The following TFEB variants were observed in gnomAD, a reference collection of about 807,000 sequenced individuals.
TFEB encodes the protein transcription factor EB.
Under a neutral mutation model 48.0 loss-of-function variants are expected in TFEB, and 12 were observed. The observed-to-expected ratio is 0.25, with a 90% confidence interval of 0.16 to 0.40. TFEB has a LOEUF of 0.40. Among genes scored for constraint, TFEB ranks in the 10% least tolerant of loss-of-function variants. TFEB has a pLI of 1.00. For missense variants in TFEB, 509 were observed against 640.3 expected, an observed-to-expected ratio of 0.79 and a Z score of 2.21; for synonymous variants, 244 against 261.4, an observed-to-expected ratio of 0.93 and a Z score of 0.64.
chr6:41,717,021 C>G (rs1770767753), intron 1 of TFEB, among the ~76,000 whole-genome samples: 1 of 152,216 alleles, frequency 6.6e-6, no homozygotes. Flanking sequence ...TGGGCAGAAG[C>G]TGGTGGGAAC....
rs192421240 is a variant in TFEB, at chr6:41,716,946, G to C, written c.-23+18404C>G. Among the ~76,000 whole-genome samples, 1,025 of 152,098 alleles carry C rather than the reference G, an allele frequency of 6.7e-3. 11 individuals are homozygous for C. The highest frequency in any genetic ancestry group is 0.023 in the African/African-American group (962 of 41,474). On this transcript the variant is annotated intron_variant, in intron 1 of 8. Transcript: ENST00000373033. The stretch of plus-strand genomic sequence containing the variant: ...TTGATGGAGGCATCGGCATGCCCGC[G>C]TGCACCCTACATCACAAGCCAGGTG...
At chr6:41,697,972 T>G (rs1769697431) in intron 1 of TFEB, among the ~76,000 whole-genome samples, 1 of 152,240 alleles carries the variant, frequency 6.6e-6, no homozygotes, top group African/African-American at 2.4e-5. Context: ...AAGTATTTTG[T>G]GTGGTTTTAA....
chr6:41,686,993 C>T, intron 7 of TFEB, 101 bp downstream of exon 7: 2 of 962,726 alleles, frequency 2.1e-6, no homozygotes, highest in South Asian at 2.7e-5. Context: ...AGAAGGAATT[C>T]TCCTCCCATC....
chr6:41,707,707 A>C (rs1770299687), intron 1 of TFEB, among the ~76,000 whole-genome samples: 1 of 152,178 alleles, frequency 6.6e-6, no homozygotes, highest in Admixed American at 6.5e-5. Flanking sequence ...CCTCTCCAAG[A>C]AGCAGACATG....
At position 41,684,643 on chromosome 6, in the gene TFEB, T is replaced by G; in HGVS notation, c.1387A>C (p.Ser463Arg). 1 of 1,609,706 alleles carries G rather than the reference T, an allele frequency of 6.2e-7. No individual in the cohort carries two copies. The highest frequency in any genetic ancestry group is 8.5e-7 in the Non-Finnish European group (1 of 1,178,082). Residue 463 changes from serine (S) to arginine (R), a missense_variant, in exon 9 of 9, where the codon AGC becomes CGC. By Grantham distance (110) the Ser-to-Arg change is moderately radical. This residue lies in a region of TFEB where 168 missense variants were observed against 161.0 expected (regional missense o/e 1.04). Transcript: ENST00000373033. ...TCCATGCTGAAGCTGCTCCGGCGGCTGCTGGCCTTGGAGGCCTCGGGGGAC... is the reference window on the plus strand; with the variant it reads ...TCCATGCTGAAGCTGCTCCGGCGGCGGCTGGCCTTGGAGGCCTCGGGGGAC... ...TMSPEASKAS[S>R]RRSSFSMEEG...
In TFEB at chr6:41,723,602, C is replaced by G. The variant is rs773495535; in HGVS notation, c.-23+11748G>C. ...CGGCTGCTGTTTCTCACCCAGCCCC[C>G]TGCACCTCAGCTGGAGAGGAAGTTG... On this transcript the variant is annotated intron_variant, in intron 1 of 8. Transcript: ENST00000373033. The surrounding 1 kb of genome is among the most constrained non-coding windows in gnomAD (Gnocchi z 6.0). 21 of 1,181,616 alleles carry G rather than the reference C, an allele frequency of 1.8e-5. No homozygotes were observed. Among genetic ancestry groups the G allele is most frequent in the Non-Finnish European group, 2.3e-5 (21 of 918,152 alleles). 73.2% of individuals were successfully genotyped at this position (1,181,616 alleles called of 1,614,324 possible). A position where few individuals can be genotyped will look rare whatever the true frequency, so the allele number is the denominator to read the frequency against.
intron 6 of TFEB, 67 bp from the exon 7 acceptor site, chr6:41,687,236 T>C: frequency 6.6e-7 from 1 of 1,511,898 alleles, no homozygotes; most frequent in Non-Finnish European, 9.2e-7. Flanking sequence ...TGGGGAGAAG[T>C]ACCCAGCCCA....
At chr6:41,710,597 A>G (rs1473097448) in intron 1 of TFEB, among the ~76,000 whole-genome samples, 2 of 152,222 alleles carry the variant, frequency 1.3e-5, no homozygotes, top group East Asian at 3.8e-4. Flanking sequence ...ATGGAGCAAC[A>G]TAGAAAGACC....
rs138488754 is a variant in TFEB, at chr6:41,713,482, C to T, written c.-23+21868G>A. Among the ~76,000 whole-genome samples, 187 of 152,312 alleles carry T rather than the reference C, an allele frequency of 1.2e-3. 2 individuals are homozygous for T. The highest frequency in any genetic ancestry group is 2.0e-3 in the African/African-American group (84 of 41,558). ...GAGACTTGATCCCCTCCGGTCCCTA[C>T]GCTGACTCACTCTTATAGCTGTAGG... On this transcript the variant is annotated intron_variant, in intron 1 of 8. Transcript: ENST00000373033.
At chr6:41,709,025 A>G (rs530450975) in intron 1 of TFEB, among the ~76,000 whole-genome samples, 1 of 152,336 alleles carries the variant, frequency 6.6e-6, no homozygotes, top group African/African-American at 2.4e-5. Context: ...TAGTGATGGC[A>G]ACATTAGGTT....
chr6:41,716,874 C>T (rs996648262), intron 1 of TFEB, among the ~76,000 whole-genome samples: 2 of 152,192 alleles, frequency 1.3e-5, no homozygotes, highest in African/African-American at 4.8e-5. Flanking sequence ...CTCAGAGTCC[C>T]CCACAGCTAG....
rs6910487 is a variant in TFEB, at chr6:41,727,375, G to C, written c.-23+7975C>G. 3.3e-3 allele frequency among the ~76,000 whole-genome samples: 501 copies of C among 152,224 alleles called. 4 individuals carry two copies. Among genetic ancestry groups the C allele is most frequent in the African/African-American group, 0.011 (474 of 41,536 alleles). The stretch of plus-strand genomic sequence containing the variant: ...GTGGAACTAGATGGAGGCTCAGAGG[G>C]TGGCGGAGGGTGGAGGGGAGAAAAA... On this transcript the variant is annotated intron_variant, in intron 1 of 8. Transcript: ENST00000373033.
At chr6:41,690,157 GTC>G (rs1297159491) in intron 3 of TFEB, among the ~76,000 whole-genome samples, 11 of 150,722 alleles carry the variant, frequency 7.3e-5, no homozygotes, top group Admixed American at 7.3e-4. Flanking sequence ...TCGAGAAGGA[GTC>G]TCACTCTGTC....
chr6:41,731,514 C>G lies in TFEB; in HGVS notation c.-23+3836G>C, dbSNP rs554360623. 1.3e-3 allele frequency among the ~76,000 whole-genome samples: 198 copies of G among 152,326 alleles called. 1 individual carries two copies. The highest frequency in any genetic ancestry group is 3.3e-3 in the South Asian group (16 of 4,816). ...GCTTTCTCTTCCTTTTTCTTCCTCCCCGGTGCCTTTGGCAAAGATTTGTAG... is the reference window on the plus strand; with the variant it reads ...GCTTTCTCTTCCTTTTTCTTCCTCCGCGGTGCCTTTGGCAAAGATTTGTAG... On this transcript the variant is annotated intron_variant, in intron 1 of 8. Coordinates refer to ENST00000373033, the MANE Select transcript of TFEB (RefSeq NM_001271944.2).
Position 41,684,484 on chromosome 6 carries a change from G to T in TFEB, c.*115C>A. On this transcript the variant is annotated 3_prime_UTR_variant, in exon 9 of 9. Transcript: ENST00000373033. ...AACAGGGGCCAACGGGGAGGAGGGA[G>T]GCAGGGCAGGTGGCTACTTCACACA... 1 of 1,294,624 alleles carries T rather than the reference G, an allele frequency of 7.7e-7. No individual in the cohort carries two copies. The highest frequency in any genetic ancestry group is 1.0e-6 in the Non-Finnish European group (1 of 991,800). The allele number at this position is 1,294,624 out of a possible 1,614,324, so 80.2% of individuals were successfully genotyped here.
At chr6:41,699,640 C>T (rs536817426) in intron 1 of TFEB, among the ~76,000 whole-genome samples, 6 of 152,296 alleles carry the variant, frequency 3.9e-5, no homozygotes, top group African/African-American at 9.6e-5. Flanking sequence ...GATAAGTAGT[C>T]GGAGTGTTTA....
chr6:41,690,279 C>T (rs1251631175), intron 3 of TFEB, among the ~76,000 whole-genome samples: 2 of 151,934 alleles, frequency 1.3e-5, no homozygotes, highest in Non-Finnish European at 2.9e-5. Flanking sequence ...TACAGGCGTG[C>T]ACCACCACGC....
chr6:41,700,880 G>T (rs114854938), intron 1 of TFEB, among the ~76,000 whole-genome samples: 2 of 152,206 alleles, frequency 1.3e-5, no homozygotes, highest in South Asian at 2.1e-4. Flanking sequence ...CGGGACAACA[G>T]GGGGAGCAGC....
At chr6:41,699,827 T>TA (rs1474540655) in intron 1 of TFEB, among the ~76,000 whole-genome samples, 1 of 152,244 alleles carries the variant, frequency 6.6e-6, no homozygotes, top group East Asian at 1.9e-4. Context: ...CACATGCTTT[T>TA]AACAGTTTTA....
Sources: gnomAD v4.1 joint callset for allele counts (sites outside exome capture counted in the v4.1 genomes callset) on GRCh38, gnomAD v4.1.1 for gene constraint, gnomAD v4.1.1 regional missense constraint, Gnocchi (gnomAD v3.1) non-coding constraint, MANE v1.5 for transcripts, NCBI Gene and HGNC (gene_info 2026-07-23, HGNC 2026-07-21) for gene names.